CACUL1: variants seen among roughly 807,000 people sequenced by gnomAD.
The protein encoded by CACUL1 is CDK2 associated cullin domain 1.
Under a neutral mutation model 45.2 loss-of-function variants are expected in CACUL1, and 13 were observed. The ratio of observed to expected loss-of-function variants is 0.29; its 90% CI spans 0.19 to 0.46. CACUL1 has a LOEUF of 0.46. CACUL1 is among the 20% of genes least tolerant of loss of function. The probability of loss-of-function intolerance (pLI) is 1.00; values close to 1 mark genes in which losing one functional copy is unlikely to be tolerated. For synonymous variants in CACUL1, 197 were observed against 174.2 expected, an observed-to-expected ratio of 1.13 and a Z score of -1.03; for missense variants, 421 against 471.4, an observed-to-expected ratio of 0.89 and a Z score of 0.99.
At position 118,682,231 on chromosome 10, in the gene CACUL1, G is replaced by C. The variant is rs2119530827; in HGVS notation, c.*3897C>G. 6.6e-6 allele frequency: 1 copy of C among 152,270 alleles called. No homozygotes were observed. The highest frequency in any genetic ancestry group is 1.5e-5 in the Non-Finnish European group (1 of 68,020). The allele number at this position is 152,270 out of a possible 1,614,324, so 9.4% of individuals were successfully genotyped here. ...AACAATGGCTAGATGACTAATGTAGGTTGTTTTGCTTTTTAGTTGCAAAGC... is the reference window on the plus strand; with the variant it reads ...AACAATGGCTAGATGACTAATGTAGCTTGTTTTGCTTTTTAGTTGCAAAGC... On this transcript the variant is annotated 3_prime_UTR_variant, in exon 9 of 9. Transcript: ENST00000369151.
intron 7 of CACUL1, 75 bp downstream of exon 7, chr10:118,691,190 T>C: frequency 1.5e-6 from 2 of 1,311,938 alleles, no homozygotes; most frequent in African/African-American, 1.5e-5. Flanking sequence ...AACCTTACCA[T>C]TTCTCCCATG....
At chr10:118,742,178 A>G (rs1425194359) in intron 1 of CACUL1, among the ~76,000 whole-genome samples, 1 of 152,256 alleles carries the variant, frequency 6.6e-6, no homozygotes, top group African/African-American at 2.4e-5. Flanking sequence ...TGCCATTCAG[A>G]TGATGAATCA....
intron 1 of CACUL1, among the ~76,000 whole-genome samples, chr10:118,737,898 C>T (rs1476585542): frequency 1.3e-5 from 2 of 152,184 alleles, no homozygotes; most frequent in African/African-American, 4.8e-5. Flanking sequence ...TCCAACTCCA[C>T]CTAATCCAAA....
At chr10:118,688,284 C>T (rs1242701640) in intron 7 of CACUL1, among the ~76,000 whole-genome samples, 1 of 152,244 alleles carries the variant, frequency 6.6e-6, no homozygotes, top group Non-Finnish European at 1.5e-5. Context: ...AACACTACAC[C>T]TAGCCAAAGC....
At chr10:118,719,238 T>C (rs541192363) in intron 3 of CACUL1, among the ~76,000 whole-genome samples, 171 of 152,338 alleles carry the variant, frequency 1.1e-3, no homozygotes, top group African/African-American at 4.0e-3. Context: ...ATTCCTATAA[T>C]AAGTACAACG....
At chr10:118,735,354 A>G (rs1249358304) in intron 1 of CACUL1, among the ~76,000 whole-genome samples, 1 of 152,244 alleles carries the variant, frequency 6.6e-6, no homozygotes, top group Non-Finnish European at 1.5e-5. Context: ...TCTACTGCAG[A>G]GACTGATCAT....
chr10:118,690,683 G>A (rs958565920), intron 7 of CACUL1, among the ~76,000 whole-genome samples: 1 of 152,180 alleles, frequency 6.6e-6, no homozygotes, highest in South Asian at 2.1e-4. Context: ...ACTAATACAA[G>A]AAAATCAAAG....
chr10:118,682,234 GT>G lies in CACUL1; in HGVS notation c.*3893del, dbSNP rs2119530836. The G allele has an allele frequency of 6.6e-6, 1 of 152,310 alleles. No individual in the cohort carries two copies. The highest frequency in any genetic ancestry group is 1.9e-4 in the East Asian group (1 of 5,188). The allele number at this position is 152,310 out of a possible 1,614,324, so 9.4% of individuals were successfully genotyped here. A position where few individuals can be genotyped will look rare whatever the true frequency, so the allele number is the denominator to read the frequency against. On this transcript the variant is annotated 3_prime_UTR_variant, in exon 9 of 9. Coordinates refer to ENST00000369151, the MANE Select transcript of CACUL1 (RefSeq NM_153810.5). ...AATGGCTAGATGACTAATGTAGGTTGTTTTGCTTTTTAGTTGCAAAGCTTTT... is the reference window on the plus strand; with the variant it reads ...AATGGCTAGATGACTAATGTAGGTTGTTTGCTTTTTAGTTGCAAAGCTTTT...
intron 3 of CACUL1, among the ~76,000 whole-genome samples, chr10:118,718,504 C>A (rs1845568481): frequency 6.6e-6 from 1 of 152,220 alleles, no homozygotes; most frequent in East Asian, 1.9e-4. Context: ...CTTTCACCTG[C>A]ACCAGCAGAG....
In CACUL1 at chr10:118,754,902, G is replaced by T. The variant is rs948971727; in HGVS notation, c.-140C>A. ...AGCGGAGAGGGCTGCGGTGCGCAGG[G>T]TCTCTCGCTCTCCGCGGGGCCGACT... On this transcript the variant is annotated 5_prime_UTR_variant, in exon 1 of 9. Coordinates refer to ENST00000369151, the MANE Select transcript of CACUL1 (RefSeq NM_153810.5). The T allele has an allele frequency of 4.1e-6, 5 of 1,218,380 alleles. No homozygotes were observed. The highest frequency in any genetic ancestry group is 5.6e-6 in the Non-Finnish European group (5 of 897,050). The allele number at this position is 1,218,380 out of a possible 1,614,324, so 75.5% of individuals were successfully genotyped here.
chr10:118,750,113 GGTCA>G (rs1845882576), intron 1 of CACUL1, among the ~76,000 whole-genome samples: 1 of 152,126 alleles, frequency 6.6e-6, no homozygotes, highest in Non-Finnish European at 1.5e-5. Context: ...GATGACCTGA[GGTCA>G]GGAGTTTGAG....
chr10:118,753,911 T>C lies in CACUL1; in HGVS notation c.367+485A>G, dbSNP rs114219513. Among the ~76,000 whole-genome samples the C allele has an allele frequency of 5.6e-3, 832 of 149,872 alleles. 11 individuals carry two copies. The highest frequency in any genetic ancestry group is 0.02 in the African/African-American group (796 of 40,690). On this transcript the variant is annotated intron_variant, in intron 1 of 8. Transcript: ENST00000369151. ...GTGTAGATATAGGTCAACTTTCAAA[T>C]TCCTTACTTGTTTAACACAGCCTGG...
chr10:118,737,796 T>C (rs575932575), intron 1 of CACUL1, among the ~76,000 whole-genome samples: 5 of 151,902 alleles, frequency 3.3e-5, no homozygotes, highest in South Asian at 2.1e-4. Flanking sequence ...CAACATCACA[T>C]AGGAGCCTGT....
chr10:118,691,835 C>CCAGCCTG (rs1845272174), intron 6 of CACUL1, among the ~76,000 whole-genome samples: 1 of 141,012 alleles, frequency 7.1e-6, no homozygotes, highest in South Asian at 2.2e-4. Context: ...CCACTGCACT[C>CCAGCCTG]CAGCCTGGGC....
intron 3 of CACUL1, among the ~76,000 whole-genome samples, chr10:118,721,641 T>C (rs1925942): frequency 0.75 from 114,417 of 151,982 alleles, 43,229 homozygotes; most frequent in Non-Finnish European, 0.79. Flanking sequence ...GGCGCTAATC[T>C]TCCCACTTGA....
intron 6 of CACUL1, among the ~76,000 whole-genome samples, chr10:118,694,713 C>T (rs979938875): frequency 2.6e-5 from 4 of 152,188 alleles, no homozygotes; most frequent in African/African-American, 9.7e-5. Flanking sequence ...TCTCTCTCCC[C>T]AGAACATCCT....
chr10:118,734,859 ATGGAATAGCT>A (rs1564837554), intron 1 of CACUL1, among the ~76,000 whole-genome samples: 1 of 152,274 alleles, frequency 6.6e-6, no homozygotes, highest in African/African-American at 2.4e-5. Flanking sequence ...TCTGAAACAC[ATGGAATAGCT>A]GGAATCTTCA....
At chr10:118,691,633 C>T (rs938409188) in intron 6 of CACUL1, 19 of 367,468 alleles carry the variant, frequency 5.2e-5, no homozygotes, top group Middle Eastern at 8.5e-4. Context: ...TTTGGGAGGC[C>T]GAGGCAGGTG....
chr10:118,710,746 A>T (rs1194315383), intron 3 of CACUL1, among the ~76,000 whole-genome samples: 3 of 152,222 alleles, frequency 2.0e-5, no homozygotes, highest in Non-Finnish European at 4.4e-5. Context: ...CACAGTGCCT[A>T]GAACATAGTA....
Sources: allele counts gnomAD v4.1 joint callset (sites outside exome capture counted in the v4.1 genomes callset), GRCh38; gene constraint gnomAD v4.1.1; transcripts MANE v1.5; gene names NCBI Gene and HGNC (gene_info 2026-07-23, HGNC 2026-07-21).